PTPRA: variants seen among roughly 807,000 people sequenced by gnomAD.
The protein encoded by PTPRA is receptor-type tyrosine-protein phosphatase alpha.
PTPRA carries 25 observed loss-of-function variants against 104.8 expected under a neutral mutation model. That is an observed-to-expected ratio of 0.24 (90% CI 0.17 to 0.33). The LOEUF is 0.33. Among genes scored for constraint, PTPRA ranks in the 10% least tolerant of loss-of-function variants. The pLI, the probability that PTPRA is intolerant of heterozygous loss-of-function variation, is 1.00. For synonymous variants in PTPRA, 323 were observed against 368.9 expected, an observed-to-expected ratio of 0.88 and a Z score of 1.43; for missense variants, 765 against 1,015.3, an observed-to-expected ratio of 0.75 and a Z score of 3.35.
intron 1 of PTPRA, among the ~76,000 whole-genome samples, chr20:2,893,882 CA>C (rs1197372195): frequency 4.0e-5 from 6 of 150,784 alleles, no homozygotes; most frequent in African/African-American, 1.2e-4. Context: ...TATATATATA[CA>C]GTAGACTATA....
chr20:2,930,615 C>T (rs2060470337), intron 2 of PTPRA, among the ~76,000 whole-genome samples: 1 of 152,000 alleles, frequency 6.6e-6, no homozygotes, highest in East Asian at 1.9e-4. Context: ...TCCAAGAGCC[C>T]CCTGTGTTAT....
chr20:2,978,564 T>C lies in PTPRA; in HGVS notation c.442+3323T>C, dbSNP rs1187400831. Among the ~76,000 whole-genome samples the C allele has an allele frequency of 5.3e-5, 8 of 152,116 alleles. No individual in the cohort carries two copies. In the East Asian group the frequency reaches 1.5e-3, roughly 29 times the overall value. On this transcript the variant is annotated intron_variant, in intron 6 of 23. Coordinates refer to ENST00000399903, the MANE Select transcript of PTPRA (RefSeq NM_001385305.1). ...ACCTGTTTAGAGGTGAGCCCTTCAA[T>C]TAATATGGCCCTTTGTTTTCAAGGA...
Position 3,037,313 on chromosome 20 carries a change from C to T in PTPRA, c.2334+24C>T. 1 of 1,612,114 alleles carries T rather than the reference C, an allele frequency of 6.2e-7. No individual in the cohort carries two copies. Among genetic ancestry groups the T allele is most frequent in the Non-Finnish European group, 8.5e-7 (1 of 1,179,040 alleles). On this transcript the variant is annotated intron_variant, in intron 23 of 23. Coordinates refer to ENST00000399903, the MANE Select transcript of PTPRA (RefSeq NM_001385305.1). This position sits in a 1 kb window ranked among gnomAD's most constrained non-coding sequence, Gnocchi z 4.3. Reference sequence around the variant, plus strand: ...TGGTATGCTGCCCACATATTTGTCCCTGCCACCACACCACCTGCAGCCCTT... The same window carrying T: ...TGGTATGCTGCCCACATATTTGTCCTTGCCACCACACCACCTGCAGCCCTT...
upstream of PTPRA, among the ~76,000 whole-genome samples, chr20:2,871,162 C>T (rs1395135043): frequency 2.0e-5 from 3 of 152,178 alleles, no homozygotes; most frequent in Admixed American, 6.5e-5. Context: ...CCCCTGTGCA[C>T]ACCCCACAAA....
At chr20:2,902,550 A>T (rs1266495479) in intron 1 of PTPRA, among the ~76,000 whole-genome samples, 1 of 152,158 alleles carries the variant, frequency 6.6e-6, no homozygotes, top group East Asian at 1.9e-4. Context: ...TTAATAACAC[A>T]TATTGGAAAG....
In PTPRA at chr20:3,007,333, T is replaced by C. The variant is rs368418454; in HGVS notation, c.830-11T>C. On this transcript the variant is annotated splice_polypyrimidine_tract_variant and intron_variant, in intron 10 of 23. Coordinates refer to ENST00000399903, the MANE Select transcript of PTPRA (RefSeq NM_001385305.1). ...TTGATTTTACTGAAATATTGTTGGT[T>C]TGTTTCCTAGATGACCACTCTAGAG... The C allele has an allele frequency of 2.9e-5, 46 of 1,611,880 alleles. 1 individual carries two copies. In the African/African-American group the frequency reaches 4.9e-4, roughly 17 times the overall value.
chr20:2,894,225 A>G (rs2058905490), intron 1 of PTPRA, among the ~76,000 whole-genome samples: 1 of 152,184 alleles, frequency 6.6e-6, no homozygotes. Context: ...TTAAAACTGG[A>G]GAATACATTA....
chr20:3,007,324 ATT>A lies in PTPRA; in HGVS notation c.830-19_830-18del, dbSNP rs760938953. The A allele has an allele frequency of 6.2e-5, 100 of 1,607,680 alleles. No individual in the cohort carries two copies. The highest frequency in any genetic ancestry group is 8.1e-5 in the Non-Finnish European group (95 of 1,174,530). On this transcript the variant is annotated intron_variant, in intron 10 of 23. Transcript: ENST00000399903. ...AAATAAATTTTGATTTTACTGAAAT[ATT>A]GTTGGTTTGTTTCCTAGATGACCAC... is the stretch of plus-strand genomic sequence containing the variant.
chr20:2,910,742 G>T (rs2059693673), intron 1 of PTPRA, among the ~76,000 whole-genome samples: 2 of 149,542 alleles, frequency 1.3e-5, no homozygotes, highest in African/African-American at 4.9e-5. Flanking sequence ...AAGTAGCTGG[G>T]ACTACAGGCA....
intron 3 of PTPRA, among the ~76,000 whole-genome samples, chr20:2,963,486 C>G (rs1221680578): frequency 6.6e-6 from 1 of 151,834 alleles, no homozygotes; most frequent in African/African-American, 2.4e-5. Context: ...CTCAGCTACT[C>G]GGGAGGCTGA....
intron 1 of PTPRA, among the ~76,000 whole-genome samples, chr20:2,900,183 G>A (rs905433236): frequency 6.6e-6 from 1 of 151,820 alleles, no homozygotes; most frequent in Non-Finnish European, 1.5e-5. Context: ...CTTTAGATGG[G>A]GTCTTGCCCT....
intron 1 of PTPRA, among the ~76,000 whole-genome samples, chr20:2,885,740 GA>G (rs2090343661): frequency 2.0e-5 from 3 of 151,214 alleles, no homozygotes; most frequent in Non-Finnish European, 3.0e-5. Flanking sequence ...TGAATGGCAA[GA>G]AAAAAAAAGT....
chr20:2,959,420 T>C (rs1272785991), intron 3 of PTPRA, among the ~76,000 whole-genome samples: 1 of 152,242 alleles, frequency 6.6e-6, no homozygotes, highest in Non-Finnish European at 1.5e-5. Flanking sequence ...CTTTGTGTAT[T>C]TTCTTAGCTG....
intron 2 of PTPRA, among the ~76,000 whole-genome samples, chr20:2,926,964 T>C (rs1355122341): frequency 1.3e-5 from 2 of 151,822 alleles, no homozygotes; most frequent in Non-Finnish European, 2.9e-5. Context: ...CTAATTTTTG[T>C]ATTTTTAGTA....
At chr20:2,899,778 A>G (rs767933871) in intron 1 of PTPRA, among the ~76,000 whole-genome samples, 19 of 152,144 alleles carry the variant, frequency 1.2e-4, no homozygotes, top group Non-Finnish European at 2.1e-4. Context: ...GTCCAACACA[A>G]TAGGGTTTCT....
chr20:2,889,322 G>C (rs2058710773), intron 1 of PTPRA, among the ~76,000 whole-genome samples: 1 of 152,146 alleles, frequency 6.6e-6, no homozygotes, highest in African/African-American at 2.4e-5. Context: ...CCCTTACTTA[G>C]TGAATTAAAT....
chr20:2,988,035 TAAG>T lies in PTPRA; in HGVS notation c.534_536del (p.Lys179del), dbSNP rs1484192071. ...ACTGTGATCATTTTCTCATTAGGTT[TAAG>T]AAATACAAGCAAGCTGGGAGCCATT... is the stretch of plus-strand genomic sequence containing the variant. On this transcript the variant is annotated inframe_deletion, in exon 8 of 24. Transcript: ENST00000399903. 6.4e-7 allele frequency: 1 copy of T among 1,569,456 alleles called. No homozygotes were observed. Among genetic ancestry groups the T allele is most frequent in the Non-Finnish European group, 8.8e-7 (1 of 1,139,488 alleles).
chr20:2,954,909 G>A (rs557930437), intron 3 of PTPRA, among the ~76,000 whole-genome samples: 7 of 152,278 alleles, frequency 4.6e-5, no homozygotes, highest in East Asian at 1.9e-4. Flanking sequence ...ATTGTTTCAC[G>A]TGTAGATATA....
At position 3,035,849 on chromosome 20, in the gene PTPRA, C is replaced by T. The variant is rs1295870875; in HGVS notation, c.2106C>T (p.Ile702=). The T allele has an allele frequency of 1.2e-6, 2 of 1,614,058 alleles. No homozygotes were observed. Among genetic ancestry groups the T allele is most frequent in the Non-Finnish European group, 1.7e-6 (2 of 1,180,050 alleles). The change falls in exon 22 of 24, where the codon ATC becomes ATT. Residue 702 remains isoleucine, a synonymous_variant. Transcript: ENST00000399903. The surrounding 1 kb of genome is among the most constrained non-coding windows in gnomAD (Gnocchi z 5.8). ...TCCATGGCTGGCCTGAAGTGGGCAT[C>T]CCCAGTGACGGAAAGGGCATGATCA... ...FHFHGWPEVG[I]PSDGKGMISI...
Sources: gnomAD v4.1 joint callset for allele counts (sites outside exome capture counted in the v4.1 genomes callset) on GRCh38, gnomAD v4.1.1 for gene constraint, Gnocchi (gnomAD v3.1) non-coding constraint, MANE v1.5 for transcripts, NCBI Gene and HGNC (gene_info 2026-07-23, HGNC 2026-07-21) for gene names.